Variants in SLC13A4 observed in about 807,000 individuals in gnomAD.
The protein encoded by SLC13A4 is Na(+)/sulfate cotransporter SUT-1.
In SLC13A4, 28 loss-of-function variants were observed where a neutral mutation model predicts 72.7. The ratio of observed to expected loss-of-function variants is 0.39; its 90% CI spans 0.29 to 0.53. The LOEUF is 0.53. Ranked by LOEUF, SLC13A4 falls within the 20% of genes least tolerant of loss-of-function variation. The pLI, the probability that SLC13A4 is intolerant of heterozygous loss-of-function variation, is 0.78. For missense variants in SLC13A4, 653 were observed against 788.0 expected (o/e 0.83, Z 2.05); for synonymous variants, 312 against 325.5 (o/e 0.96, Z 0.45).
chr7:135,686,635 G>A (rs1041108879), intron 13 of SLC13A4, among the ~76,000 whole-genome samples: 3 of 152,220 alleles, frequency 2.0e-5, no homozygotes, highest in Non-Finnish European at 4.4e-5. Flanking sequence ...GTCTCCCAAA[G>A]TGCTGGGATT....
At chr7:135,719,805 G>GTGTGTGTGTGTGTA (rs1554480019) in intron 2 of SLC13A4, among the ~76,000 whole-genome samples, 4,405 of 108,526 alleles carry the variant, frequency 0.041, 62 homozygotes, top group Non-Finnish European at 0.051. Context: ...GTGTGTGTAT[G>GTGTGTGTGTGTGTA]TGTGTGTGTG....
chr7:135,697,154 G>T (rs536480205), intron 8 of SLC13A4, among the ~76,000 whole-genome samples: 1 of 152,236 alleles, frequency 6.6e-6, no homozygotes, highest in Non-Finnish European at 1.5e-5. Context: ...CAAGCGTGAC[G>T]CCTGTCTGGG....
intron 13 of SLC13A4, chr7:135,688,858 ATTGTTTTTTTT>A (rs1227071430): frequency 6.6e-6 from 1 of 151,380 alleles, no homozygotes; most frequent in Non-Finnish European, 1.5e-5. Context: ...TTTTGTTTTT[ATTGTTTTTTTT>A]TTGTTTTTGT....
Position 135,691,777 on chromosome 7 carries a change from C to T in SLC13A4, c.1224-132G>A, listed in dbSNP as rs887779207. Reference sequence around the variant, plus strand: ...TCTAGAGGTAACATTAAGCTTAGTTCTTGCCAGTTGCTGCCACGCTATCCA... The same window carrying T: ...TCTAGAGGTAACATTAAGCTTAGTTTTTGCCAGTTGCTGCCACGCTATCCA... On this transcript the variant is annotated intron_variant, in intron 11 of 15. Coordinates refer to ENST00000682651, the MANE Select transcript of SLC13A4 (RefSeq NM_001318192.2). 1.4e-5 allele frequency: 9 copies of T among 632,504 alleles called. No homozygotes were observed. In the African/African-American group the frequency reaches 1.7e-4, roughly 12 times the overall value. 39.2% of individuals were successfully genotyped at this position (632,504 alleles called of 1,614,324 possible).
intron 3 of SLC13A4, chr7:135,707,756 G>T (rs1354286672): frequency 5.7e-6 from 1 of 175,542 alleles, no homozygotes; most frequent in Non-Finnish European, 1.2e-5. Context: ...CAAAGGAGAA[G>T]ACAGCCACTT....
intron 2 of SLC13A4, among the ~76,000 whole-genome samples, chr7:135,719,367 G>A (rs1028658931): frequency 2.0e-5 from 3 of 152,138 alleles, no homozygotes; most frequent in Non-Finnish European, 4.4e-5. Flanking sequence ...ACAAAGATTA[G>A]GTTTCTTAAT....
intron 2 of SLC13A4, among the ~76,000 whole-genome samples, chr7:135,709,932 C>T (rs3112355): frequency 0.24 from 35,783 of 152,136 alleles, 4,604 homozygotes; most frequent in East Asian, 0.44. Context: ...TGTCTCTCAA[C>T]TAAATTTTTC....
At position 135,695,728 on chromosome 7, in the gene SLC13A4, A is replaced by G. The variant is rs1317760090; in HGVS notation, c.900-241T>C. Among the ~76,000 whole-genome samples the G allele has an allele frequency of 3.9e-5, 6 of 152,246 alleles. No individual in the cohort carries two copies. In the East Asian group the frequency reaches 5.8e-4, roughly 15 times the overall value. ...CAAAACAACTAAAATTAATATCATTAAAGTGTATATACTTTGCACTCAAGA... is the reference window on the plus strand; with the variant it reads ...CAAAACAACTAAAATTAATATCATTGAAGTGTATATACTTTGCACTCAAGA... On this transcript the variant is annotated intron_variant, in intron 8 of 15. Coordinates refer to ENST00000682651, the MANE Select transcript of SLC13A4 (RefSeq NM_001318192.2).
Position 135,691,202 on chromosome 7 carries a change from T to G in SLC13A4, c.1445A>C (p.Lys482Thr), listed in dbSNP as rs762346617. The G allele has an allele frequency of 6.3e-7, 1 of 1,586,194 alleles. No individual in the cohort carries two copies. Among genetic ancestry groups the G allele is most frequent in the Admixed American group, 1.9e-5 (1 of 51,484 alleles). ...AAAAAAACAGAATTCAAGAATTACCTTGCTACCAGAAGCCAGAGCATAGCC... is the reference window on the plus strand; with the variant it reads ...AAAAAAACAGAATTCAAGAATTACCGTGCTACCAGAAGCCAGAGCATAGCC... ...GGGYALASGS[K>T]SSGLSTWIGN... The change falls in exon 13 of 16, where the codon AAG (lysine) becomes ACG (threonine). Residue 482 changes from lysine to threonine, a missense_variant and splice_region_variant. By Grantham distance (78) the Lys-to-Thr change is moderately conservative (BLOSUM62 -1). Transcript: ENST00000682651.
In SLC13A4 at chr7:135,719,174, C is replaced by A. The variant is rs11979728; in HGVS notation, c.228+2221G>T. Among the ~76,000 whole-genome samples, 359 of 152,312 alleles carry A rather than the reference C, an allele frequency of 2.4e-3. 2 individuals carry two copies. Among genetic ancestry groups the A allele is most frequent in the African/African-American group, 7.7e-3 (322 of 41,572 alleles). The stretch of plus-strand genomic sequence containing the variant: ...CTTTATTTCTCACAGAGTCCTGTTA[C>A]CCTCCCAAGCGACTGCCTCTGCAGA... On this transcript the variant is annotated intron_variant, in intron 2 of 15. Coordinates refer to ENST00000682651, the MANE Select transcript of SLC13A4 (RefSeq NM_001318192.2).
chr7:135,708,282 C>G (rs1015648926), intron 2 of SLC13A4, 32 bp from the exon 3 acceptor site: 1 of 1,613,256 alleles, frequency 6.2e-7, no homozygotes, highest in Admixed American at 1.7e-5. Context: ...CAGTCACCCT[C>G]CCGGACCAAA....
chr7:135,702,687 T>C, intron 6 of SLC13A4, 158 bp downstream of exon 6: 1 of 708,760 alleles, frequency 1.4e-6, no homozygotes. Context: ...ATGTGTCCTT[T>C]TTAATAATAA....
intron 5 of SLC13A4, 139 bp from the exon 6 acceptor site, chr7:135,703,023 C>T (rs996736428): frequency 2.8e-5 from 18 of 646,438 alleles, no homozygotes; most frequent in Non-Finnish European, 4.7e-5. Context: ...GAAGACTAAT[C>T]TCTCCCTTGT....
chr7:135,721,611 A>C, intron 1 of SLC13A4, 88 bp from the exon 2 acceptor site: 3 of 1,533,646 alleles, frequency 2.0e-6, no homozygotes, highest in Non-Finnish European at 2.7e-6. Context: ...GAGGCAGCAG[A>C]CTCAGACTGT....
chr7:135,719,322 C>G (rs1182773697), intron 2 of SLC13A4, among the ~76,000 whole-genome samples: 2 of 152,332 alleles, frequency 1.3e-5, no homozygotes, highest in African/African-American at 4.8e-5. Context: ...AAAGCTAAGG[C>G]ATGCTGTTGG....
At chr7:135,688,132 C>T (rs1795681880) in intron 13 of SLC13A4, among the ~76,000 whole-genome samples, 1 of 151,878 alleles carries the variant, frequency 6.6e-6, no homozygotes, top group Non-Finnish European at 1.5e-5. Context: ...CGTGCCACCA[C>T]ACCCGGCTAA....
chr7:135,681,377 G>T lies in SLC13A4; in HGVS notation c.*186C>A. On this transcript the variant is annotated 3_prime_UTR_variant, in exon 16 of 16. Transcript: ENST00000682651. Reference sequence around the variant, plus strand: ...AGAAGACACTAACAGCGAAGCATGTGTTTGTGGTTGTTGGAGGATTCCTGC... The same window carrying T: ...AGAAGACACTAACAGCGAAGCATGTTTTTGTGGTTGTTGGAGGATTCCTGC... The T allele has an allele frequency of 1.7e-6, 1 of 593,152 alleles. No homozygotes were observed. 36.7% of individuals were successfully genotyped at this position (593,152 alleles called of 1,614,324 possible).
intron 13 of SLC13A4, among the ~76,000 whole-genome samples, chr7:135,687,579 C>T (rs1795662050): frequency 1.3e-5 from 2 of 152,184 alleles, no homozygotes; most frequent in Admixed American, 1.3e-4. Flanking sequence ...CCTCTCAACT[C>T]ACTGAGAGCT....
chr7:135,722,874 C>A (rs560915656), intron 1 of SLC13A4, among the ~76,000 whole-genome samples: 2 of 152,058 alleles, frequency 1.3e-5, no homozygotes, highest in Non-Finnish European at 1.5e-5. Context: ...AGGAAGGCAG[C>A]GATCCTGAGC....
Sources: gnomAD v4.1 joint callset for allele counts (sites outside exome capture counted in the v4.1 genomes callset) on GRCh38, gnomAD v4.1.1 for gene constraint, MANE v1.5 for transcripts, NCBI Gene and HGNC (gene_info 2026-07-23, HGNC 2026-07-21) for gene names.